The following MMS22L variants were observed in gnomAD, a reference collection of about 807,000 sequenced individuals.
MMS22L encodes protein MMS22-like.
Under a neutral mutation model 159.1 loss-of-function variants are expected in MMS22L, and 74 were observed. That is an observed-to-expected ratio of 0.47 (90% CI 0.39 to 0.56). The LOEUF (loss-of-function observed/expected upper bound fraction) is 0.56, where lower values mean the gene tolerates loss of function less well. MMS22L is among the 20% of genes least tolerant of loss of function. The pLI is 0.00. For synonymous variants in MMS22L, 517 were observed against 506.9 expected, an observed-to-expected ratio of 1.02 and a Z score of -0.27; for missense variants, 1,351 against 1,422.1, an observed-to-expected ratio of 0.95 and a Z score of 0.80.
chr6:97,283,571 TG>T (rs1816968018), upstream of MMS22L: 1 of 152,238 alleles, frequency 6.6e-6, no homozygotes, highest in South Asian at 2.1e-4. Context: ...CTTGTTAGAA[TG>T]CAGATGCCTT....
rs781303852 is a variant in MMS22L, at chr6:97,229,327, G to C, written c.1606C>G (p.Leu536Val). Residue 536 changes from leucine to valine, a missense_variant, in exon 14 of 25, where the codon CTA (leucine) becomes GTA (valine). By Grantham distance (32) the Leu-to-Val change is conservative. Transcript: ENST00000683635. ...ACCTCTGCAACAGCTGCTAACAGTAGAAAAAGGCTAAAAAAGTTCTGTAGA... is the reference window on the plus strand; with the variant it reads ...ACCTCTGCAACAGCTGCTAACAGTACAAAAAGGCTAAAAAAGTTCTGTAGA... The part of the protein sequence containing the change: ...VGLQNFFSLF[L>V]LLAAVAEVED... 1 of 1,612,766 alleles carries C rather than the reference G, an allele frequency of 6.2e-7. No individual in the cohort carries two copies. The highest frequency in any genetic ancestry group is 1.1e-5 in the South Asian group (1 of 90,808).
intron 18 of MMS22L, among the ~76,000 whole-genome samples, chr6:97,174,994 T>A (rs1803977716): frequency 6.6e-6 from 1 of 152,210 alleles, no homozygotes; most frequent in Admixed American, 6.5e-5. Context: ...TACACTTCTT[T>A]CCCTTGACTA....
intron 9 of MMS22L, chr6:97,260,019 A>C (rs1008490799): frequency 6.6e-6 from 1 of 152,052 alleles, no homozygotes; most frequent in African/African-American, 2.4e-5. Context: ...TTTTAAGTTG[A>C]CTTTGCAAGT....
intron 14 of MMS22L, among the ~76,000 whole-genome samples, chr6:97,194,645 G>C (rs1444768543): frequency 6.6e-6 from 1 of 152,096 alleles, no homozygotes; most frequent in African/African-American, 2.4e-5. Context: ...TAAGTAACAA[G>C]ATCATACATA....
intron 11 of MMS22L, among the ~76,000 whole-genome samples, chr6:97,245,804 G>T (rs1044870927): frequency 6.8e-6 from 1 of 146,722 alleles, no homozygotes; most frequent in Admixed American, 6.9e-5. Flanking sequence ...ATGGGTAAAA[G>T]AAAATTTCAA....
chr6:97,183,467 A>G (rs914060423), intron 15 of MMS22L, among the ~76,000 whole-genome samples: 1 of 152,146 alleles, frequency 6.6e-6, no homozygotes, highest in African/African-American at 2.4e-5. Flanking sequence ...ATTTATGACT[A>G]CAGACTTCAA....
intron 14 of MMS22L, among the ~76,000 whole-genome samples, chr6:97,223,609 T>C (rs1371132470): frequency 6.6e-6 from 1 of 152,132 alleles, no homozygotes; most frequent in Non-Finnish European, 1.5e-5. Context: ...TAGGAATACA[T>C]CTCCATAACT....
chr6:97,222,329 A>T (rs1197595768), intron 14 of MMS22L, among the ~76,000 whole-genome samples: 1 of 152,030 alleles, frequency 6.6e-6, no homozygotes, highest in Non-Finnish European at 1.5e-5. Flanking sequence ...ATATATATAT[A>T]TTTTCAAAAT....
intron 9 of MMS22L, among the ~76,000 whole-genome samples, chr6:97,262,803 A>T (rs1814641204): frequency 6.6e-6 from 1 of 152,152 alleles, no homozygotes; most frequent in African/African-American, 2.4e-5. Context: ...TGTTTTACTT[A>T]CTTCTGCCTA....
intron 8 of MMS22L, chr6:97,263,718 T>A (rs909714077): frequency 6.8e-5 from 15 of 220,306 alleles, no homozygotes; most frequent in Middle Eastern, 1.6e-3. Flanking sequence ...CTTTTTTTTT[T>A]CTTTTTGTGA....
At chr6:97,227,204 T>G (rs1417174137) in intron 14 of MMS22L, among the ~76,000 whole-genome samples, 1 of 152,094 alleles carries the variant, frequency 6.6e-6, no homozygotes. Context: ...AGAAGCAATA[T>G]AATTGTTAAA....
intron 3 of MMS22L, 127 bp downstream of exon 3, chr6:97,281,110 T>G (rs1270719263): frequency 2.3e-6 from 2 of 858,100 alleles, no homozygotes; most frequent in South Asian, 2.2e-5. Flanking sequence ...ACTGGTAAGA[T>G]AATCAAGTGA....
chr6:97,281,584 G>C (rs146972253), intron 2 of MMS22L, among the ~76,000 whole-genome samples: 144 of 152,288 alleles, frequency 9.5e-4, no homozygotes, highest in Non-Finnish European at 1.6e-3. Context: ...TGTAACTTAA[G>C]AGGAAAAATC....
At chr6:97,239,529 C>T (rs1811827300) in intron 11 of MMS22L, among the ~76,000 whole-genome samples, 1 of 152,208 alleles carries the variant, frequency 6.6e-6, no homozygotes, top group African/African-American at 2.4e-5. Flanking sequence ...AATATACGTT[C>T]TCTTTACTAA....
chr6:97,170,217 G>T (rs1035222246), intron 19 of MMS22L, among the ~76,000 whole-genome samples: 1 of 152,050 alleles, frequency 6.6e-6, no homozygotes, highest in Non-Finnish European at 1.5e-5. Context: ...ATGAATAAGG[G>T]GAAACTACTG....
At chr6:97,150,055 T>TG (rs1167606463) in intron 23 of MMS22L, 35 bp from the exon 24 acceptor site, 2 of 1,579,622 alleles carry the variant, frequency 1.3e-6, no homozygotes, top group African/African-American at 2.7e-5. Context: ...GGATTACTCC[T>TG]GGGGCAATTC....
Position 97,144,884 on chromosome 6 carries a change from T to C in MMS22L, c.*1922A>G, listed in dbSNP as rs1305621482. On this transcript the variant is annotated 3_prime_UTR_variant, in exon 25 of 25. Transcript: ENST00000683635. ...TTGTTACCATTCTTAAGTACAAATT[T>C]TAGTTATTCTTAGTATCTATAGATA... 6.6e-6 allele frequency: 1 copy of C among 152,004 alleles called. No homozygotes were observed. The highest frequency in any genetic ancestry group is 1.5e-5 in the Non-Finnish European group (1 of 67,982). The allele number at this position is 152,004 out of a possible 1,614,324, so 9.4% of individuals were successfully genotyped here. A position where few individuals can be genotyped will look rare whatever the true frequency, so the allele number is the denominator to read the frequency against.
In MMS22L at chr6:97,161,901, G is replaced by C. The variant is rs573849763; in HGVS notation, c.3385+101C>G. ...ATGACCCATATCAAGAGATATAAAAGAATCACATATATTTTGTAACTATCC... is the reference window on the plus strand; with the variant it reads ...ATGACCCATATCAAGAGATATAAAACAATCACATATATTTTGTAACTATCC... On this transcript the variant is annotated intron_variant, in intron 22 of 24. Transcript: ENST00000683635. 3.7e-5 allele frequency: 42 copies of C among 1,120,426 alleles called. 1 individual carries two copies. The East Asian group carries it at 1.0e-3, about 27-fold the overall frequency. 69.4% of individuals were successfully genotyped at this position (1,120,426 alleles called of 1,614,324 possible).
Position 97,263,353 on chromosome 6 carries a change from A to C in MMS22L, c.924T>G (p.Ser308Arg). ...VLLIHLLDHR[S>R]KWFVSESFWN... is the part of the protein sequence containing the mutation. ...AACTTACTTCCGAGACAAACCATTT[A>C]CTTCTGTGGTCTAGAAGATGAATAA... The change falls in exon 9 of 25, where the codon AGT (serine) becomes AGG (arginine). Residue 308 changes from serine to arginine, a missense_variant. Ser to Arg is a moderately radical substitution (Grantham distance 110). Coordinates refer to ENST00000683635, the MANE Select transcript of MMS22L (RefSeq NM_001350599.2). 1.3e-6 allele frequency: 2 copies of C among 1,584,260 alleles called. No homozygotes were observed. Among genetic ancestry groups the C allele is most frequent in the Non-Finnish European group, 1.7e-6 (2 of 1,167,638 alleles).
Sources: gnomAD v4.1 joint callset for allele counts (sites outside exome capture counted in the v4.1 genomes callset) on GRCh38, gnomAD v4.1.1 for gene constraint, MANE v1.5 for transcripts, NCBI Gene and HGNC (gene_info 2026-07-23, HGNC 2026-07-21) for gene names.